Variants in TNRC6A observed in about 807,000 individuals in gnomAD.
The protein encoded by TNRC6A is trinucleotide repeat containing adaptor 6A.
TNRC6A carries 44 observed loss-of-function variants against 221.2 expected under a neutral mutation model. The ratio of observed to expected loss-of-function variants is 0.20; its 90% CI spans 0.16 to 0.26. The LOEUF is 0.26. TNRC6A is among the 10% of genes least tolerant of loss of function. TNRC6A has a pLI of 1.00. For synonymous variants in TNRC6A, 847 were observed against 838.5 expected (o/e 1.01, Z -0.18); for missense variants, 2,199 against 2,404.4 (o/e 0.91, Z 1.79).
intron 4 of TNRC6A, among the ~76,000 whole-genome samples, chr16:24,769,592 A>C (rs2057547802): frequency 7.0e-6 from 1 of 143,318 alleles, no homozygotes; most frequent in East Asian, 1.9e-4. Flanking sequence ...TCTCAGGGCT[A>C]ATTAGAGAAC....
At chr16:24,666,514 C>T (rs1596630433) in intron 2 of TNRC6A, among the ~76,000 whole-genome samples, 2 of 148,342 alleles carry the variant, frequency 1.3e-5, no homozygotes, top group African/African-American at 4.9e-5. Context: ...GTGACACATG[C>T]CTGTGGTCCC....
intron 22 of TNRC6A, 108 bp downstream of exon 22, chr16:24,820,468 C>CT: frequency 1.0e-5 from 10 of 962,484 alleles, no homozygotes; most frequent in Admixed American, 2.2e-5. Flanking sequence ...TGCCTCACCT[C>CT]CATCAGGGGG....
At chr16:24,695,083 G>A (rs1423156658) in intron 2 of TNRC6A, among the ~76,000 whole-genome samples, 3 of 152,124 alleles carry the variant, frequency 2.0e-5, no homozygotes, top group African/African-American at 7.2e-5. Context: ...TTGCTTGCTG[G>A]CACGGGAGTG....
intron 18 of TNRC6A, among the ~76,000 whole-genome samples, chr16:24,810,221 A>AT (rs1308859766): frequency 6.6e-6 from 1 of 152,072 alleles, no homozygotes; most frequent in Middle Eastern, 3.2e-3. Flanking sequence ...CAGCAATTAA[A>AT]TTTTTTTTAG....
At chr16:24,804,908 A>G in intron 13 of TNRC6A, 57 bp downstream of exon 13, 1 of 1,613,456 alleles carries the variant, frequency 6.2e-7, no homozygotes, top group Non-Finnish European at 8.5e-7. Context: ...TAGTAATAAG[A>G]TCTCTCTTAC....
chr16:24,806,124 A>C, intron 15 of TNRC6A, 82 bp from the exon 16 acceptor site: 1 of 1,502,640 alleles, frequency 6.7e-7, no homozygotes, highest in Non-Finnish European at 9.1e-7. Flanking sequence ...GTGCCTCTGT[A>C]GGTCCATCTG....
At chr16:24,704,108 T>G (rs1293080786) in intron 2 of TNRC6A, among the ~76,000 whole-genome samples, 1 of 151,238 alleles carries the variant, frequency 6.6e-6, no homozygotes, top group Non-Finnish European at 1.5e-5. Context: ...AAAAATTTTT[T>G]TTTGGAGACA....
At chr16:24,692,432 T>C (rs1477779251) in intron 2 of TNRC6A, among the ~76,000 whole-genome samples, 1 of 152,148 alleles carries the variant, frequency 6.6e-6, no homozygotes, top group East Asian at 1.9e-4. Context: ...TAGCTGGGCA[T>C]GGTGGTGGGC....
intron 2 of TNRC6A, among the ~76,000 whole-genome samples, chr16:24,737,314 A>G (rs936431503): frequency 3.3e-5 from 5 of 152,188 alleles, no homozygotes; most frequent in African/African-American, 1.2e-4. Flanking sequence ...GATGTTTGAG[A>G]TTCAAAAGGA....
intron 2 of TNRC6A, among the ~76,000 whole-genome samples, chr16:24,678,680 G>A (rs1055935806): frequency 6.6e-6 from 1 of 151,996 alleles, no homozygotes; most frequent in African/African-American, 2.4e-5. Flanking sequence ...ACTTCAGCCT[G>A]GGTGACAGAG....
chr16:24,780,945 A>G (rs1205765406), intron 5 of TNRC6A, among the ~76,000 whole-genome samples: 6 of 151,262 alleles, frequency 4.0e-5, no homozygotes, highest in African/African-American at 1.2e-4. Flanking sequence ...CTGTCTTGCA[A>G]CTTCTACTAC....
chr16:24,725,571 C>A (rs946784672), upstream of TNRC6A, among the ~76,000 whole-genome samples: 1 of 151,952 alleles, frequency 6.6e-6, no homozygotes, highest in Non-Finnish European at 1.5e-5. Context: ...TCAGGTGAAG[C>A]TTTACATTTT....
rs556702309 is a variant in TNRC6A at position 24,822,164 on chromosome 16, C to T, written c.5373+17C>T. 32 of 1,612,214 alleles carry T rather than the reference C, an allele frequency of 2.0e-5. No homozygotes were observed. The highest frequency in any genetic ancestry group is 1.6e-4 in the South Asian group (15 of 91,020). ...ACACCTCAGGTAAGGATACCAGATA[C>T]GCTGGTTTATGTGGCTACGCCAGGG... On this transcript the variant is annotated intron_variant, in intron 23 of 24. Transcript: ENST00000395799.
At chr16:24,611,058 C>T (rs1360445200) in intron 1 of TNRC6A, among the ~76,000 whole-genome samples, 3 of 152,162 alleles carry the variant, frequency 2.0e-5, no homozygotes, top group African/African-American at 7.2e-5. Context: ...GGTGATCTCC[C>T]CGCCTTGGCC....
At chr16:24,797,781 T>G in intron 10 of TNRC6A, 134 bp from the exon 11 acceptor site, 1 of 872,176 alleles carries the variant, frequency 1.1e-6, no homozygotes, top group South Asian at 2.1e-5. Flanking sequence ...AAAAATTACA[T>G]TAGGCAGTGA....
chr16:24,809,207 C>A, intron 17 of TNRC6A, 143 bp from the exon 18 acceptor site: 1 of 729,852 alleles, frequency 1.4e-6, no homozygotes, highest in Non-Finnish European at 1.9e-6. Flanking sequence ...GAAATATTTT[C>A]TACGTATAAC....
chr16:24,717,531 G>C (rs2056334953), intron 2 of TNRC6A, among the ~76,000 whole-genome samples: 1 of 152,170 alleles, frequency 6.6e-6, no homozygotes, highest in African/African-American at 2.4e-5. Flanking sequence ...GTGAAACAAT[G>C]AATGTGCCTG....
chr16:24,783,252 C>T (rs569429073), intron 5 of TNRC6A, among the ~76,000 whole-genome samples: 73 of 152,192 alleles, frequency 4.8e-4, no homozygotes, highest in African/African-American at 1.6e-3. Flanking sequence ...CTTCAGCCTC[C>T]TGAGTAGCTG....
chr16:24,622,720 G>C (rs1411630943), intron 1 of TNRC6A, among the ~76,000 whole-genome samples: 1 of 152,148 alleles, frequency 6.6e-6, no homozygotes, highest in Non-Finnish European at 1.5e-5. Flanking sequence ...CGCTAGGAGA[G>C]AAAGCAAAAC....
Sources: gnomAD v4.1 joint callset for allele counts (sites outside exome capture counted in the v4.1 genomes callset) on GRCh38, gnomAD v4.1.1 for gene constraint, MANE v1.5 for transcripts, NCBI Gene and HGNC (gene_info 2026-07-23, HGNC 2026-07-21) for gene names.